The following CHKA variants were observed in gnomAD, a reference collection of about 807,000 sequenced individuals.
The protein encoded by CHKA is choline kinase alpha.
A neutral mutation model predicts 60.1 loss-of-function variants in CHKA; 34 were observed. That is an observed-to-expected ratio of 0.57 (90% CI 0.43 to 0.75). The LOEUF is 0.75. CHKA is among the 30% of genes least tolerant of loss of function. The probability of loss-of-function intolerance (pLI) is 0.00; values close to 1 mark genes in which losing one functional copy is unlikely to be tolerated. For missense variants in CHKA, 563 were observed against 561.3 expected, an observed-to-expected ratio of 1.00 and a Z score of -0.03; for synonymous variants, 217 against 223.1, an observed-to-expected ratio of 0.97 and a Z score of 0.24.
At chr11:68,100,425 A>G (rs953212150) in intron 1 of CHKA, among the ~76,000 whole-genome samples, 2 of 152,014 alleles carry the variant, frequency 1.3e-5, no homozygotes, top group Admixed American at 6.6e-5. Context: ...CCCTGTCTCT[A>G]CTAAAAATAC....
intron 9 of CHKA, 60 bp downstream of exon 9, chr11:68,065,726 C>G: frequency 8.5e-7 from 1 of 1,170,374 alleles, no homozygotes; most frequent in South Asian, 1.2e-5. Context: ...AGATGTAATT[C>G]TAACTGCATG....
chr11:68,096,031 C>T (rs539748749), intron 2 of CHKA, among the ~76,000 whole-genome samples: 107 of 122,252 alleles, frequency 8.8e-4, no homozygotes, highest in Admixed American at 1.7e-3. Context: ...CACAGCCAGA[C>T]TCCATCTCAG....
chr11:68,073,491 T>C (rs1272961618), intron 4 of CHKA, among the ~76,000 whole-genome samples: 3 of 152,130 alleles, frequency 2.0e-5, no homozygotes, highest in African/African-American at 7.2e-5. Flanking sequence ...CTGTCTCTAC[T>C]AAAACATAGC....
At chr11:68,116,990 GT>G (rs1370627735) in intron 1 of CHKA, among the ~76,000 whole-genome samples, 1 of 152,168 alleles carries the variant, frequency 6.6e-6, no homozygotes, top group Non-Finnish European at 1.5e-5. Flanking sequence ...CAGTTCCGGT[GT>G]GCCAGGCACT....
rs200579971 is a variant in CHKA, at chr11:68,104,498, G to A, written c.351-7368C>T. ...TGCAATGGTGCAATCTCGGCTCACC[G>A]CAACCTCCGCCTCTCAGGTTTAAGC... On this transcript the variant is annotated intron_variant, in intron 1 of 11. Coordinates refer to ENST00000265689, the MANE Select transcript of CHKA (RefSeq NM_001277.3). Among the ~76,000 whole-genome samples the A allele has an allele frequency of 1.4e-4, 22 of 152,034 alleles. No homozygotes were observed. In the East Asian group the frequency reaches 2.0e-3, roughly 13 times the overall value.
In CHKA at chr11:68,061,031, C is replaced by T. The variant is rs191247553; in HGVS notation, c.1314+922G>A. Among the ~76,000 whole-genome samples, 3 of 150,328 alleles carry T rather than the reference C, an allele frequency of 2.0e-5. No homozygotes were observed. In the East Asian group the frequency reaches 5.9e-4, roughly 30 times the overall value. ...AAGACAACTCACCAACATTCATTCA[C>T]TATGGAACAACAGAAAGGTTTGTCT... On this transcript the variant is annotated intron_variant, in intron 11 of 11. Coordinates refer to ENST00000265689, the MANE Select transcript of CHKA (RefSeq NM_001277.3).
At chr11:68,118,379 T>C (rs1858474019) in intron 1 of CHKA, among the ~76,000 whole-genome samples, 1 of 152,074 alleles carries the variant, frequency 6.6e-6, no homozygotes, top group Non-Finnish European at 1.5e-5. Context: ...AAGTCGAGGC[T>C]ACAGTGAGCT....
Position 68,120,966 on chromosome 11 carries a change from TG to T in CHKA, c.211del (p.Gln71SerfsTer84). Reference protein sequence around the residue: ...PPLPLPLPLPQPPPPQPPADE... With the variant: ...PPLPLPLPLPXPPPPQPPADE... ...TGCGGGCGGCTGCGGCGGCGGGGGCTGGGGCAGCGGCAGCGGCAGCGGCAGC... is the reference window on the plus strand; with the variant it reads ...TGCGGGCGGCTGCGGCGGCGGGGGCTGGGCAGCGGCAGCGGCAGCGGCAGC... On this transcript the variant is annotated frameshift_variant, in exon 1 of 12. Transcript: ENST00000265689. LOFTEE classifies it high-confidence loss of function. The T allele has an allele frequency of 8.9e-7, 1 of 1,128,846 alleles. No individual in the cohort carries two copies. The highest frequency in any genetic ancestry group is 1.1e-6 in the Non-Finnish European group (1 of 918,860). 69.9% of individuals were successfully genotyped at this position (1,128,846 alleles called of 1,614,324 possible).
intron 3 of CHKA, among the ~76,000 whole-genome samples, chr11:68,076,167 AATC>A (rs1254077018): frequency 3.3e-5 from 5 of 152,200 alleles, no homozygotes; most frequent in Non-Finnish European, 5.9e-5. Context: ...TCATTCGTAT[AATC>A]CTCACAATTA....
chr11:68,093,454 T>C (rs1857412531), intron 2 of CHKA, among the ~76,000 whole-genome samples: 1 of 152,242 alleles, frequency 6.6e-6, no homozygotes, highest in South Asian at 2.1e-4. Context: ...AAATTGGAAT[T>C]ATATGTAAAA....
At chr11:68,088,508 T>C (rs754371652) in intron 2 of CHKA, among the ~76,000 whole-genome samples, 4 of 152,074 alleles carry the variant, frequency 2.6e-5, no homozygotes, top group Non-Finnish European at 5.9e-5. Flanking sequence ...CTGTTGATGA[T>C]GAAGCTATGT....
chr11:68,067,039 C>T (rs924045947), intron 7 of CHKA, among the ~76,000 whole-genome samples: 3 of 152,170 alleles, frequency 2.0e-5, no homozygotes, highest in Non-Finnish European at 4.4e-5. Context: ...CCCAAGGAGA[C>T]CACAGGCAGC....
intron 11 of CHKA, among the ~76,000 whole-genome samples, chr11:68,058,049 C>T (rs1856091475): frequency 6.6e-6 from 1 of 152,126 alleles, no homozygotes; most frequent in African/African-American, 2.4e-5. Flanking sequence ...GCTACAGACA[C>T]CCAGCTAATT....
intron 2 of CHKA, among the ~76,000 whole-genome samples, chr11:68,086,703 T>C (rs1030811713): frequency 5.3e-5 from 8 of 152,076 alleles, no homozygotes; most frequent in Non-Finnish European, 1.2e-4. Flanking sequence ...TTAAATGTCA[T>C]TTGGCTGGGC....
intron 4 of CHKA, among the ~76,000 whole-genome samples, chr11:68,072,663 T>C (rs1321491498): frequency 6.6e-6 from 1 of 151,886 alleles, no homozygotes; most frequent in South Asian, 2.1e-4. Context: ...CGGCGTCATA[T>C]GGTTCAAACC....
Position 68,062,086 on chromosome 11 carries a change from G to A in CHKA, c.1233-52C>T, listed in dbSNP as rs569029223. ...TAAGAGACATACAGTATCAGTTACA[G>A]GACTGATGAAATGATTTCATGCCAG... On this transcript the variant is annotated intron_variant, in intron 10 of 11. Transcript: ENST00000265689. 3.1e-5 allele frequency: 38 copies of A among 1,212,110 alleles called. No individual in the cohort carries two copies. In the African/African-American group the frequency reaches 5.2e-4, roughly 17 times the overall value. The allele number at this position is 1,212,110 out of a possible 1,614,324, so 75.1% of individuals were successfully genotyped here.
At chr11:68,059,083 C>G (rs1038006871) in intron 11 of CHKA, among the ~76,000 whole-genome samples, 2 of 152,076 alleles carry the variant, frequency 1.3e-5, no homozygotes, top group Non-Finnish European at 2.9e-5. Context: ...TTAGTAGAGA[C>G]GGGGTTTCTC....
chr11:68,101,445 C>A (rs1033825043), intron 1 of CHKA, among the ~76,000 whole-genome samples: 3 of 152,050 alleles, frequency 2.0e-5, no homozygotes, highest in Non-Finnish European at 4.4e-5. Context: ...ACTATGAGAA[C>A]TAATAAGTTC....
At chr11:68,071,166 C>A (rs1190566789) in intron 4 of CHKA, among the ~76,000 whole-genome samples, 1 of 152,224 alleles carries the variant, frequency 6.6e-6, no homozygotes, top group African/African-American at 2.4e-5. Context: ...GCCTCTAAAA[C>A]CACACTGAAT....
Sources: gnomAD v4.1 joint callset for allele counts (sites outside exome capture counted in the v4.1 genomes callset) on GRCh38, gnomAD v4.1.1 for gene constraint, MANE v1.5 for transcripts, NCBI Gene and HGNC (gene_info 2026-07-23, HGNC 2026-07-21) for gene names.